Variants in ZDHHC18 observed in about 807,000 individuals in gnomAD.
The protein encoded by ZDHHC18 is zDHHC palmitoyltransferase 18.
Under a neutral mutation model 37.5 loss-of-function variants are expected in ZDHHC18, and 23 were observed. The observed-to-expected ratio is 0.61, with a 90% CI of 0.44 to 0.87. ZDHHC18 has a LOEUF of 0.87. Among genes scored for constraint, ZDHHC18 ranks in the 40% least tolerant of loss-of-function variants. ZDHHC18 has a pLI of 0.00. For synonymous variants in ZDHHC18, 185 were observed against 218.7 expected, an observed-to-expected ratio of 0.85 and a Z score of 1.36; for missense variants, 406 against 525.6, an observed-to-expected ratio of 0.77 and a Z score of 2.22.
intron 2 of ZDHHC18, among the ~76,000 whole-genome samples, chr1:26,837,939 G>A (rs2124254173): frequency 6.6e-6 from 1 of 152,080 alleles, no homozygotes; most frequent in East Asian, 1.9e-4. Context: ...CGCCTGCCGT[G>A]GTGAGCCAGA....
chr1:26,827,820 C>T (rs1432776732), intron 1 of ZDHHC18, among the ~76,000 whole-genome samples: 2 of 152,098 alleles, frequency 1.3e-5, no homozygotes, highest in Non-Finnish European at 2.9e-5. Flanking sequence ...CAGAACCTTC[C>T]TTAGGTTCTC....
chr1:26,836,814 C>T (rs1169232087), intron 2 of ZDHHC18, among the ~76,000 whole-genome samples: 7 of 149,914 alleles, frequency 4.7e-5, no homozygotes, highest in South Asian at 2.1e-4. Context: ...GTGATCCGCC[C>T]GTCTCAGCCT....
chr1:26,842,412 C>T (rs1054584446), intron 2 of ZDHHC18, among the ~76,000 whole-genome samples: 2 of 152,230 alleles, frequency 1.3e-5, no homozygotes, highest in African/African-American at 4.8e-5. Flanking sequence ...ATTAGAGAAA[C>T]TGAGGCACAA....
chr1:26,833,825 C>T (rs2081598866), intron 2 of ZDHHC18, among the ~76,000 whole-genome samples: 1 of 152,138 alleles, frequency 6.6e-6, no homozygotes, highest in African/African-American at 2.4e-5. Context: ...CTGTAAATGT[C>T]AGAGCCCTGC....
chr1:26,852,642 G>A (rs1295410452), intron 6 of ZDHHC18, 111 bp from the exon 7 acceptor site: 4 of 862,250 alleles, frequency 4.6e-6, no homozygotes, highest in South Asian at 1.6e-5. Flanking sequence ...GTCGCCTTCT[G>A]TAACCAGAAT....
In ZDHHC18 at chr1:26,856,243, T is replaced by G. The variant is rs1301808884; in HGVS notation, c.*2400T>G. 2 of 450,824 alleles carry G rather than the reference T, an allele frequency of 4.4e-6. No individual in the cohort carries two copies. Among genetic ancestry groups the G allele is most frequent in the Admixed American group, 2.4e-5 (1 of 42,500 alleles). The allele number at this position is 450,824 out of a possible 1,614,324, so 27.9% of individuals were successfully genotyped here. A position where few individuals can be genotyped will look rare whatever the true frequency, so the allele number is the denominator to read the frequency against. ...ACAGCCTGAGGGGAGCTAACAGGCC[T>G]CTTTGCAGAGGGTTAGCTGGTAAGA... On this transcript the variant is annotated 3_prime_UTR_variant, in exon 8 of 8. Transcript: ENST00000374142. The surrounding 1 kb of genome is among the most constrained non-coding windows in gnomAD (Gnocchi z 5.2).
intron 5 of ZDHHC18, 55 bp from the exon 6 acceptor site, chr1:26,851,074 G>A: frequency 6.6e-7 from 1 of 1,511,690 alleles, no homozygotes; most frequent in Non-Finnish European, 9.2e-7. Flanking sequence ...GACAGGCCAG[G>A]TGTGGCTGGG....
At chr1:26,841,960 C>T (rs1013458777) in intron 2 of ZDHHC18, among the ~76,000 whole-genome samples, 16 of 151,860 alleles carry the variant, frequency 1.1e-4, no homozygotes, top group Non-Finnish European at 1.8e-4. Flanking sequence ...ATAGTGAAAC[C>T]CTGTCTCTAC....
In ZDHHC18 at chr1:26,826,944, G is replaced by T; in HGVS notation, c.140G>T (p.Arg47Leu). 1 of 1,163,898 alleles carries T rather than the reference G, an allele frequency of 8.6e-7. No individual in the cohort carries two copies. Among genetic ancestry groups the T allele is most frequent in the East Asian group, 3.7e-5 (1 of 26,958 alleles). The allele number at this position is 1,163,898 out of a possible 1,614,324, so 72.1% of individuals were successfully genotyped here. The part of the protein sequence containing the change: ...PAPPAAPAPP[R>L]WSSSGSGSGS... ...CCGCCCGCCGCCCCCGCCCCGCCGC[G>T]CTGGAGCAGCAGCGGCAGCGGCAGC... The change falls in exon 1 of 8, where the codon CGC (arginine) becomes CTC (leucine). Residue 47 changes from arginine to leucine, a missense_variant. Coordinates refer to ENST00000374142, the MANE Select transcript of ZDHHC18 (RefSeq NM_032283.3). The surrounding 1 kb of genome is among the most constrained non-coding windows in gnomAD (Gnocchi z 5.2).
intron 2 of ZDHHC18, among the ~76,000 whole-genome samples, chr1:26,846,286 G>GTATATA (rs1557644410): frequency 6.9e-5 from 3 of 43,306 alleles, no homozygotes; most frequent in African/African-American, 4.9e-4. Flanking sequence ...GTGTGTGTGT[G>GTATATA]TGTGTATATA....
At chr1:26,827,671 C>T (rs2124242907) in intron 1 of ZDHHC18, among the ~76,000 whole-genome samples, 1 of 152,258 alleles carries the variant, frequency 6.6e-6, no homozygotes, top group East Asian at 1.9e-4. Flanking sequence ...CTGCCCTCTC[C>T]GGGTCCCTCC....
In ZDHHC18 at chr1:26,851,190, C is replaced by T. The variant is rs775474020; in HGVS notation, c.895C>T (p.His299Tyr). 6.2e-7 allele frequency: 1 copy of T among 1,614,210 alleles called. No individual in the cohort carries two copies. Among genetic ancestry groups the T allele is most frequent in the East Asian group, 2.2e-5 (1 of 44,894 alleles). The change falls in exon 6 of 8, where the codon CAC (histidine) becomes TAC (tyrosine). Residue 299 changes from histidine to tyrosine, a missense_variant. Transcript: ENST00000374142. ...IWSILGLSGF[H>Y]TYLVASNLTT... Reference sequence around the variant, plus strand: ...GTCCATTCTGGGCCTCTCAGGGTTTCACACGTACCTCGTCGCCTCCAACCT... The same window carrying T: ...GTCCATTCTGGGCCTCTCAGGGTTTTACACGTACCTCGTCGCCTCCAACCT...
intron 2 of ZDHHC18, among the ~76,000 whole-genome samples, chr1:26,845,553 G>T (rs922309338): frequency 6.6e-6 from 1 of 151,068 alleles, no homozygotes; most frequent in Non-Finnish European, 1.5e-5. Flanking sequence ...GGCTGGTATC[G>T]AACTCCCAAC....
At chr1:26,836,235 G>GTC (rs1237707174) in intron 2 of ZDHHC18, among the ~76,000 whole-genome samples, 37 of 152,152 alleles carry the variant, frequency 2.4e-4, no homozygotes, top group Admixed American at 2.4e-3. Flanking sequence ...CAGAGGCTGC[G>GTC]TCTCTCTCCA....
chr1:26,856,541 G>C lies in ZDHHC18; in HGVS notation c.*2698G>C. On this transcript the variant is annotated 3_prime_UTR_variant, in exon 8 of 8. Transcript: ENST00000374142. The surrounding 1 kb of genome is among the most constrained non-coding windows in gnomAD (Gnocchi z 5.2). ...AAGAGGAGGTGGAGGGTGAGGCTGG[G>C]GAGAGGATGGCGAACCTGCCCTGAG... 1 of 206,966 alleles carries C rather than the reference G, an allele frequency of 4.8e-6. No homozygotes were observed. Among genetic ancestry groups the C allele is most frequent in the South Asian group, 6.2e-5 (1 of 16,186 alleles). 12.8% of individuals were successfully genotyped at this position (206,966 alleles called of 1,614,324 possible).
At chr1:26,841,140 C>A (rs1315118259) in intron 2 of ZDHHC18, among the ~76,000 whole-genome samples, 42 of 152,134 alleles carry the variant, frequency 2.8e-4, no homozygotes, top group Middle Eastern at 3.2e-3. Context: ...CCACACCTGG[C>A]TAATTTTTGT....
At chr1:26,832,647 C>G (rs371056679) in intron 2 of ZDHHC18, 40 bp downstream of exon 2, 2 of 1,602,744 alleles carry the variant, frequency 1.2e-6, no homozygotes, top group Middle Eastern at 1.7e-4. Flanking sequence ...GTCTCCATAG[C>G]TCCACATTCC....
At chr1:26,837,259 A>AAAT (rs556411658) in intron 2 of ZDHHC18, among the ~76,000 whole-genome samples, 3 of 143,744 alleles carry the variant, frequency 2.1e-5, no homozygotes, top group Non-Finnish European at 3.0e-5. Flanking sequence ...TCTCAAAAAA[A>AAAT]ATATATATAT....
chr1:26,826,956 G>A lies in ZDHHC18; in HGVS notation c.152G>A (p.Ser51Asn). 8.4e-7 allele frequency: 1 copy of A among 1,186,106 alleles called. No individual in the cohort carries two copies. Among genetic ancestry groups the A allele is most frequent in the Non-Finnish European group, 1.0e-6 (1 of 956,358 alleles). The allele number at this position is 1,186,106 out of a possible 1,614,324, so 73.5% of individuals were successfully genotyped here. A position where few individuals can be genotyped will look rare whatever the true frequency, so the allele number is the denominator to read the frequency against. ...AAPAPPRWSS[S>N]GSGSGSGSGS... is the part of the protein sequence containing the mutation. ...CCCGCCCCGCCGCGCTGGAGCAGCAGCGGCAGCGGCAGCGGCAGCGGGAGC... is the reference window on the plus strand; with the variant it reads ...CCCGCCCCGCCGCGCTGGAGCAGCAACGGCAGCGGCAGCGGCAGCGGGAGC... Residue 51 changes from serine (S) to asparagine (N), a missense_variant, in exon 1 of 8, where the codon AGC (serine) becomes AAC (asparagine). Ser to Asn is a conservative substitution (Grantham distance 46). Coordinates refer to ENST00000374142, the MANE Select transcript of ZDHHC18 (RefSeq NM_032283.3). This position sits in a 1 kb window ranked among gnomAD's most constrained non-coding sequence, Gnocchi z 5.2.
Sources: gnomAD v4.1 joint callset for allele counts (sites outside exome capture counted in the v4.1 genomes callset) on GRCh38, gnomAD v4.1.1 for gene constraint, Gnocchi (gnomAD v3.1) non-coding constraint, MANE v1.5 for transcripts, NCBI Gene and HGNC (gene_info 2026-07-23, HGNC 2026-07-21) for gene names.